The following NRROS variants were observed in gnomAD, a reference collection of about 807,000 sequenced individuals.
NRROS encodes negative regulator of reactive oxygen species, also known as transforming growth factor beta activator LRRC33.
In NRROS, 6 loss-of-function variants were observed where a neutral mutation model predicts 12.0. That is an observed-to-expected ratio of 0.50 (90% CI 0.27 to 0.98). NRROS has a LOEUF of 0.98. Ranked by LOEUF, NRROS falls within the 50% of genes least tolerant of loss-of-function variation. The pLI is 0.11. For missense variants in NRROS, 857 were observed against 888.2 expected, an observed-to-expected ratio of 0.96 and a Z score of 0.45; for synonymous variants, 462 against 410.2, an observed-to-expected ratio of 1.13 and a Z score of -1.53.
chr3:196,649,141 G>C (rs1225117077), intron 1 of NRROS, among the ~76,000 whole-genome samples: 1 of 152,242 alleles, frequency 6.6e-6, no homozygotes, highest in Non-Finnish European at 1.5e-5. Context: ...GTTTTGCTAA[G>C]AATCAGAGGG....
intron 2 of NRROS, among the ~76,000 whole-genome samples, chr3:196,658,976 A>C (rs1737602333): frequency 6.6e-6 from 1 of 152,194 alleles, no homozygotes; most frequent in Non-Finnish European, 1.5e-5. Flanking sequence ...TCTCAAAAAA[A>C]CAAAAAACAA....
intron 1 of NRROS, among the ~76,000 whole-genome samples, chr3:196,653,032 T>C (rs559681042): frequency 3.2e-4 from 49 of 152,320 alleles, no homozygotes; most frequent in African/African-American, 1.1e-3. Context: ...CCTTATTTCA[T>C]GGCGGGCAGT....
At chr3:196,640,230 C>T (rs1210558274) in intron 1 of NRROS, among the ~76,000 whole-genome samples, 1 of 152,194 alleles carries the variant, frequency 6.6e-6, no homozygotes, top group Non-Finnish European at 1.5e-5. Flanking sequence ...GTTTTCTCAT[C>T]TGCAAAATGG....
At chr3:196,643,813 T>C (rs1737253640) in intron 1 of NRROS, among the ~76,000 whole-genome samples, 1 of 152,212 alleles carries the variant, frequency 6.6e-6, no homozygotes, top group Non-Finnish European at 1.5e-5. Flanking sequence ...ACCCTTGCAG[T>C]GTCTCCCCTC....
chr3:196,642,737 G>T (rs1229080732), intron 1 of NRROS, among the ~76,000 whole-genome samples: 1 of 152,134 alleles, frequency 6.6e-6, no homozygotes, highest in African/African-American at 2.4e-5. Flanking sequence ...CCGCGTAAGG[G>T]TACTTAACAC....
In NRROS at chr3:196,661,378, T is replaced by C. The variant is rs1737675688; in HGVS notation, c.1735T>C (p.Ser579Pro). 3.2e-6 allele frequency: 5 copies of C among 1,571,976 alleles called. No individual in the cohort carries two copies. The East Asian group carries it at 1.1e-4, about 35-fold the overall frequency. ...CACAGCCCTTCCCCAGAAGGCTGTG[T>C]CTGAGCAGCTCTCGAGAGGTCTGCG... is the stretch of plus-strand genomic sequence containing the variant. Reference protein sequence around the residue: ...SLTALPQKAVSEQLSRGLRTI... With the variant: ...SLTALPQKAVPEQLSRGLRTI... Residue 579 changes from serine (S) to proline (P), a missense_variant, in exon 3 of 3, where the codon TCT becomes CCT. Transcript: ENST00000328557.
intron 1 of NRROS, among the ~76,000 whole-genome samples, chr3:196,649,082 A>G (rs1737362679): frequency 6.6e-6 from 1 of 152,060 alleles, no homozygotes; most frequent in South Asian, 2.1e-4. Flanking sequence ...AGCTCTCACC[A>G]CGGGGGTGTT....
Position 196,661,495 on chromosome 3 carries a change from A to T in NRROS, c.1852A>T (p.Met618Leu). The change falls in exon 3 of 3, where the codon ATG (methionine) becomes TTG (leucine). Residue 618 changes from methionine (M) to leucine (L), a missense_variant. Coordinates refer to ENST00000328557, the MANE Select transcript of NRROS (RefSeq NM_198565.3). ...TGGGCAGACGGTGGCCGACTGGGCCATGGTCACCTGCAACCTCTCCTCCAA... is the reference window on the plus strand; with the variant it reads ...TGGGCAGACGGTGGCCGACTGGGCCTTGGTCACCTGCAACCTCTCCTCCAA... ...QHGQTVADWAMVTCNLSSKII... is the reference protein window; with the variant it reads ...QHGQTVADWALVTCNLSSKII... 6.2e-7 allele frequency: 1 copy of T among 1,609,794 alleles called. No individual in the cohort carries two copies. Among genetic ancestry groups the T allele is most frequent in the Non-Finnish European group, 8.5e-7 (1 of 1,176,780 alleles).
At chr3:196,644,892 G>A (rs944874806) in intron 1 of NRROS, among the ~76,000 whole-genome samples, 37 of 152,010 alleles carry the variant, frequency 2.4e-4, no homozygotes, top group Admixed American at 1.8e-3. Flanking sequence ...GCTTGAGGCT[G>A]TAGTGTGCTA....
intron 1 of NRROS, among the ~76,000 whole-genome samples, chr3:196,641,200 T>A (rs542643336): frequency 5.3e-5 from 8 of 152,122 alleles, no homozygotes; most frequent in African/African-American, 1.4e-4. Context: ...AGGCACTTTT[T>A]AAAAATATAT....
intron 2 of NRROS, among the ~76,000 whole-genome samples, chr3:196,656,579 G>A (rs775512306): frequency 6.6e-6 from 1 of 152,168 alleles, no homozygotes; most frequent in African/African-American, 2.4e-5. Context: ...TCAGTGCTAC[G>A]CGTTTTATCC....
In NRROS at chr3:196,645,438, C is replaced by T. The variant is rs370035313; in HGVS notation, c.-14+5563C>T. On this transcript the variant is annotated intron_variant, in intron 1 of 2. Coordinates refer to ENST00000328557, the MANE Select transcript of NRROS (RefSeq NM_198565.3). Reference sequence around the variant, plus strand: ...CTGTACAGCCTAAACCTATGTGAGCCGCCATTGACCAAGTGTGAAATGGAG... The same window carrying T: ...CTGTACAGCCTAAACCTATGTGAGCTGCCATTGACCAAGTGTGAAATGGAG... Among the ~76,000 whole-genome samples, 125 of 152,222 alleles carry T rather than the reference C, an allele frequency of 8.2e-4. 1 individual carries two copies. Among genetic ancestry groups the T allele is most frequent in the East Asian group, 7.5e-3 (39 of 5,186 alleles).
chr3:196,649,644 T>C (rs1169211953), intron 1 of NRROS, among the ~76,000 whole-genome samples: 2 of 152,134 alleles, frequency 1.3e-5, no homozygotes, highest in African/African-American at 4.8e-5. Flanking sequence ...GCTAATTTTT[T>C]GTATTTTTAG....
At chr3:196,659,218 G>C (rs1379137950) in intron 2 of NRROS, among the ~76,000 whole-genome samples, 3 of 151,288 alleles carry the variant, frequency 2.0e-5, no homozygotes, top group Admixed American at 2.0e-4. Flanking sequence ...TCCCGGCACA[G>C]CCACTGGCTC....
At chr3:196,652,458 TG>T (rs1737446421) in intron 1 of NRROS, among the ~76,000 whole-genome samples, 1 of 152,210 alleles carries the variant, frequency 6.6e-6, no homozygotes, top group South Asian at 2.1e-4. Context: ...CTCTGAGTCT[TG>T]GAGACTTTGT....
intron 1 of NRROS, among the ~76,000 whole-genome samples, chr3:196,646,053 A>G (rs539349981): frequency 6.7e-4 from 102 of 152,342 alleles, no homozygotes; most frequent in African/African-American, 2.4e-3. Context: ...CCCGCCCACT[A>G]AACGTGAAGT....
Position 196,654,578 on chromosome 3 carries a change from C to G in NRROS, c.39C>G (p.His13Gln), listed in dbSNP as rs189782443. The change falls in exon 2 of 3, where the codon CAC (histidine) becomes CAG (glutamine). Residue 13 changes from histidine to glutamine, a missense_variant. Physicochemically the swap from His to Gln is conservative, Grantham distance 24. Coordinates refer to ENST00000328557, the MANE Select transcript of NRROS (RefSeq NM_198565.3). The surrounding 1 kb of genome is among the most constrained non-coding windows in gnomAD (Gnocchi z 4.4). ...CTCTTTGGCTCTGCCTGGGTTTTCA[C>G]TTCCTGACCGTGGGCTGGAGGAACA... is the stretch of plus-strand genomic sequence containing the variant. Reference protein sequence around the residue: ...LLPLWLCLGFHFLTVGWRNRS... With the variant: ...LLPLWLCLGFQFLTVGWRNRS... The G allele has an allele frequency of 3.7e-6, 6 of 1,614,158 alleles. No homozygotes were observed. Among genetic ancestry groups the G allele is most frequent in the Non-Finnish European group, 5.1e-6 (6 of 1,179,978 alleles).
chr3:196,658,768 A>G lies in NRROS; in HGVS notation c.109-984A>G, dbSNP rs369265330. ...GATCACCTGAAGTCAGGAGTTCGAG[A>G]CCAGCCTGGTCAACATGGTGAAACC... On this transcript the variant is annotated intron_variant, in intron 2 of 2. Transcript: ENST00000328557. Among the ~76,000 whole-genome samples the G allele has an allele frequency of 1.1e-4, 16 of 152,300 alleles. No homozygotes were observed. In the East Asian group the frequency reaches 2.5e-3, roughly 24 times the overall value.
In NRROS at chr3:196,660,493, A is replaced by G; in HGVS notation, c.850A>G (p.Met284Val). The G allele has an allele frequency of 6.2e-7, 1 of 1,613,950 alleles. No individual in the cohort carries two copies. The highest frequency in any genetic ancestry group is 8.5e-7 in the Non-Finnish European group (1 of 1,179,978). The change falls in exon 3 of 3, where the codon ATG becomes GTG. Residue 284 changes from methionine (M) to valine (V), a missense_variant. By Grantham distance (21) the Met-to-Val change is conservative (BLOSUM62 1). Coordinates refer to ENST00000328557, the MANE Select transcript of NRROS (RefSeq NM_198565.3). This position sits in a 1 kb window ranked among gnomAD's most constrained non-coding sequence, Gnocchi z 7.7. ...GACCCTCCTGCTGCGCGACAACAAC[A>G]TGGGCTTCTACCGGGACCTGTACAA... is the stretch of plus-strand genomic sequence containing the variant. The part of the protein sequence containing the change: ...LRTLLLRDNN[M>V]GFYRDLYNTS...
Sources: gnomAD v4.1 joint callset for allele counts (sites outside exome capture counted in the v4.1 genomes callset) on GRCh38, gnomAD v4.1.1 for gene constraint, Gnocchi (gnomAD v3.1) non-coding constraint, MANE v1.5 for transcripts, NCBI Gene and HGNC (gene_info 2026-07-23, HGNC 2026-07-21) for gene names.